C16orf89: variants seen among roughly 807,000 people sequenced by gnomAD.
C16orf89 encodes chromosome 16 open reading frame 89.
Under a neutral mutation model 41.5 loss-of-function variants are expected in C16orf89, and 57 were observed. The observed-to-expected ratio is 1.38, with a 90% CI of 1.11 to 1.71. The LOEUF (loss-of-function observed/expected upper bound fraction) is 1.71, where lower values mean the gene tolerates loss of function less well. Among genes scored for constraint, C16orf89 ranks in the 40% most tolerant of loss-of-function variants. The pLI is 0.00. For missense variants in C16orf89, 575 were observed against 445.9 expected (o/e 1.29, Z -2.61); for synonymous variants, 223 against 190.6 (o/e 1.17, Z -1.40).
chr16:5,057,211 T>C (rs558040604), intron 4 of C16orf89, among the ~76,000 whole-genome samples: 1 of 145,048 alleles, frequency 6.9e-6, no homozygotes, highest in Admixed American at 7.1e-5. Context: ...CACTCCAGCC[T>C]GGGCAACAGA....
intron 5 of C16orf89, chr16:5,055,714 C>G: frequency 6.6e-7 from 1 of 1,509,412 alleles, no homozygotes; most frequent in Non-Finnish European, 8.8e-7. Flanking sequence ...AGCTCCGTCA[C>G]TGGGGCAGCC....
At chr16:5,051,310 C>G (rs1956392039) in intron 6 of C16orf89, among the ~76,000 whole-genome samples, 1 of 152,154 alleles carries the variant, frequency 6.6e-6, no homozygotes, top group African/African-American at 2.4e-5. Flanking sequence ...ACCCTAAAAG[C>G]TCCACCAAAA....
chr16:5,045,471 G>C (rs1207360471), intron 7 of C16orf89, among the ~76,000 whole-genome samples: 1 of 152,210 alleles, frequency 6.6e-6, no homozygotes, highest in Admixed American at 6.5e-5. Flanking sequence ...CTGTCTGCTT[G>C]TGGAAGGGAG....
intron 2 of C16orf89, among the ~76,000 whole-genome samples, chr16:5,060,945 CTTTTTTTT>C (rs386384101): frequency 3.2e-5 from 3 of 93,500 alleles, no homozygotes; most frequent in Non-Finnish European, 5.9e-5. Context: ...TATGATCAGC[CTTTTTTTT>C]TTTTTTTTTT....
chr16:5,058,139 T>G (rs1461403942), intron 4 of C16orf89, among the ~76,000 whole-genome samples: 1 of 152,108 alleles, frequency 6.6e-6, no homozygotes, highest in African/African-American at 2.4e-5. Flanking sequence ...CTTTTTTCTT[T>G]TTTTTTGAGG....
intron 6 of C16orf89, among the ~76,000 whole-genome samples, chr16:5,049,591 T>G (rs1596685965): frequency 6.6e-6 from 1 of 152,294 alleles, no homozygotes; most frequent in South Asian, 2.1e-4. Context: ...AAACAACATG[T>G]TCCTGAATGA....
chr16:5,062,987 G>A (rs1275932526), intron 1 of C16orf89, among the ~76,000 whole-genome samples: 2 of 152,208 alleles, frequency 1.3e-5, no homozygotes, highest in Non-Finnish European at 2.9e-5. Flanking sequence ...TCATGGGTTT[G>A]TATATGCAGT....
At chr16:5,047,254 G>C (rs1407497173) in intron 7 of C16orf89, among the ~76,000 whole-genome samples, 1 of 152,024 alleles carries the variant, frequency 6.6e-6, no homozygotes, top group African/African-American at 2.4e-5. Context: ...AAAATCTCTG[G>C]GTTTTTCCAC....
chr16:5,054,459 C>T (rs1438966562), intron 6 of C16orf89, among the ~76,000 whole-genome samples: 2 of 152,196 alleles, frequency 1.3e-5, no homozygotes, highest in Non-Finnish European at 2.9e-5. Context: ...GACTTCTCTT[C>T]TTCCTCACCC....
Position 5,060,573 on chromosome 16 carries a change from T to C in C16orf89, c.359-137A>G, listed in dbSNP as rs999043516. On this transcript the variant is annotated intron_variant, in intron 2 of 7. Transcript: ENST00000472572. ...CAGGGCTCTAAGCCCTGTCCCCTGG[T>C]CCCAGATTGGGTTTGAAACACTCAA... is the stretch of plus-strand genomic sequence containing the variant. The C allele has an allele frequency of 5.7e-6, 5 of 883,550 alleles. No individual in the cohort carries two copies. In the African/African-American group the frequency reaches 6.8e-5, roughly 12 times the overall value. 54.7% of individuals were successfully genotyped at this position (883,550 alleles called of 1,614,324 possible). A position where few individuals can be genotyped will look rare whatever the true frequency, so the allele number is the denominator to read the frequency against.
intron 1 of C16orf89, among the ~76,000 whole-genome samples, 167 bp downstream of exon 1, chr16:5,065,534 C>T (rs769491378): frequency 2.1e-4 from 32 of 152,198 alleles, no homozygotes; most frequent in Non-Finnish European, 4.7e-4. Flanking sequence ...TTAGCTGGGC[C>T]ACAGCCGCCA....
chr16:5,054,288 G>C (rs1410415880), intron 6 of C16orf89, among the ~76,000 whole-genome samples: 1 of 152,108 alleles, frequency 6.6e-6, no homozygotes, highest in Non-Finnish European at 1.5e-5. Flanking sequence ...TTCAGACAGG[G>C]AAATTGAGGC....
rs1323414285 is a variant in C16orf89, at chr16:5,058,408, C to T, written c.627+85G>A. 8 of 1,237,452 alleles carry T rather than the reference C, an allele frequency of 6.5e-6. No homozygotes were observed. The East Asian group carries it at 1.5e-4, about 23-fold the overall frequency. The allele number at this position is 1,237,452 out of a possible 1,614,324, so 76.7% of individuals were successfully genotyped here. A position where few individuals can be genotyped will look rare whatever the true frequency, so the allele number is the denominator to read the frequency against. On this transcript the variant is annotated intron_variant, in intron 4 of 7. Coordinates refer to ENST00000472572, the MANE Select transcript of C16orf89 (RefSeq NM_001098514.3). Reference sequence around the variant, plus strand: ...TTGGCCTCCCAAAGTGCTTGGATTACAGGCATGAGCCACCACGTCCGGCTG... The same window carrying T: ...TTGGCCTCCCAAAGTGCTTGGATTATAGGCATGAGCCACCACGTCCGGCTG...
chr16:5,056,061 A>G lies in C16orf89; in HGVS notation c.755T>C (p.Met252Thr), dbSNP rs759878886. 1.3e-6 allele frequency: 2 copies of G among 1,593,302 alleles called. No homozygotes were observed. Among genetic ancestry groups the G allele is most frequent in the Non-Finnish European group, 8.6e-7 (1 of 1,163,684 alleles). Reference protein sequence around the residue: ...GYAYPTRDIFMENIMFCGMGG... With the variant: ...GYAYPTRDIFTENIMFCGMGG... ...CAGAATGCTGGCCATACTGTTTTCCATGAAGATGTCCCGGGTAGGGTAGGC... is the reference window on the plus strand; with the variant it reads ...CAGAATGCTGGCCATACTGTTTTCCGTGAAGATGTCCCGGGTAGGGTAGGC... The change falls in exon 5 of 8, where the codon ATG becomes ACG. Residue 252 changes from methionine to threonine, a missense_variant. Physicochemically the swap from Met to Thr is moderately conservative, Grantham distance 81. Coordinates refer to ENST00000472572, the MANE Select transcript of C16orf89 (RefSeq NM_001098514.3).
At chr16:5,047,543 C>A (rs951388537) in intron 7 of C16orf89, among the ~76,000 whole-genome samples, 1 of 151,604 alleles carries the variant, frequency 6.6e-6, no homozygotes, top group South Asian at 2.1e-4. Flanking sequence ...TCTCAGCTCA[C>A]TGAAGCCTCC....
intron 3 of C16orf89, among the ~76,000 whole-genome samples, chr16:5,059,751 A>G (rs557263383): frequency 6.6e-6 from 1 of 152,178 alleles, no homozygotes; most frequent in East Asian, 1.9e-4. Flanking sequence ...GGACAGGCTC[A>G]TAATACAAAT....
intron 6 of C16orf89, among the ~76,000 whole-genome samples, chr16:5,048,851 G>T (rs1346519273): frequency 6.6e-6 from 1 of 151,754 alleles, no homozygotes; most frequent in East Asian, 1.9e-4. Context: ...AATGACAGGA[G>T]TAAGTCCTCA....
At chr16:5,062,677 A>G in intron 1 of C16orf89, 103 bp from the exon 2 acceptor site, 1 of 1,287,718 alleles carries the variant, frequency 7.8e-7, no homozygotes, top group Non-Finnish European at 1.1e-6. Flanking sequence ...GCTTCCTGGG[A>G]GCCTCTCTGC....
chr16:5,055,771 G>T, intron 5 of C16orf89: 1 of 1,513,284 alleles, frequency 6.6e-7, no homozygotes, highest in Non-Finnish European at 8.9e-7. Context: ...AATACAGGAT[G>T]CCCAGTTACA....
Sources: gnomAD v4.1 joint callset for allele counts (sites outside exome capture counted in the v4.1 genomes callset) on GRCh38, gnomAD v4.1.1 for gene constraint, MANE v1.5 for transcripts, NCBI Gene and HGNC (gene_info 2026-07-23, HGNC 2026-07-21) for gene names.